The following PHF20 variants were observed in gnomAD, a reference collection of about 807,000 sequenced individuals.
PHF20 encodes the protein glioma-expressed antigen 2.
Under a neutral mutation model 113.5 loss-of-function variants are expected in PHF20, and 23 were observed. The ratio of observed to expected loss-of-function variants is 0.20; its 90% confidence interval spans 0.15 to 0.29. PHF20 has a LOEUF of 0.29. Among genes scored for constraint, PHF20 ranks in the 10% least tolerant of loss-of-function variants. The pLI, the probability that PHF20 is intolerant of heterozygous loss-of-function variation, is 1.00. For missense variants in PHF20, 943 were observed against 1,219.6 expected, an observed-to-expected ratio of 0.77 and a Z score of 3.38; for synonymous variants, 434 against 457.3, an observed-to-expected ratio of 0.95 and a Z score of 0.65.
At chr20:35,813,255 G>A (rs1184067052) in intron 2 of PHF20, among the ~76,000 whole-genome samples, 1 of 151,954 alleles carries the variant, frequency 6.6e-6, no homozygotes, top group African/African-American at 2.4e-5. Context: ...CAGGCGCGGT[G>A]AGCCACCGCG....
At chr20:35,821,518 G>A (rs2042168616) in intron 2 of PHF20, among the ~76,000 whole-genome samples, 1 of 150,884 alleles carries the variant, frequency 6.6e-6, no homozygotes, top group Admixed American at 6.6e-5. Flanking sequence ...AAAAAGCCAG[G>A]CATGGTGGTG....
intron 13 of PHF20, among the ~76,000 whole-genome samples, chr20:35,924,844 T>TC (rs2055595418): frequency 1.3e-5 from 2 of 149,782 alleles, no homozygotes; most frequent in Admixed American, 6.6e-5. Context: ...CAGGATATCC[T>TC]CCCGCCTCGG....
intron 12 of PHF20, among the ~76,000 whole-genome samples, chr20:35,915,142 C>T (rs1404982501): frequency 6.7e-6 from 1 of 149,484 alleles, no homozygotes; most frequent in African/African-American, 2.4e-5. Context: ...ACCCACTCAC[C>T]CAGGTGTTAC....
At chr20:35,928,942 G>A (rs555584347) in intron 14 of PHF20, among the ~76,000 whole-genome samples, 1 of 152,308 alleles carries the variant, frequency 6.6e-6, no homozygotes, top group African/African-American at 2.4e-5. Flanking sequence ...TGTGGCTCTT[G>A]ATTGCTCCTT....
chr20:35,888,225 C>T (rs1207494603), intron 9 of PHF20, among the ~76,000 whole-genome samples: 1 of 152,166 alleles, frequency 6.6e-6, no homozygotes, highest in Non-Finnish European at 1.5e-5. Flanking sequence ...AGGTGACCCA[C>T]CCACCTTGAC....
At chr20:35,803,355 G>C (rs894014211) in intron 2 of PHF20, among the ~76,000 whole-genome samples, 1 of 148,696 alleles carries the variant, frequency 6.7e-6, no homozygotes, top group Non-Finnish European at 1.5e-5. Flanking sequence ...CAAGAGTCTT[G>C]CTCTTTCATT....
intron 10 of PHF20, among the ~76,000 whole-genome samples, chr20:35,900,309 C>T (rs1248061828): frequency 6.6e-6 from 1 of 152,128 alleles, no homozygotes; most frequent in Non-Finnish European, 1.5e-5. Context: ...TTTTTACTTG[C>T]TATTGTAATA....
At chr20:35,793,273 T>G (rs948726876) in intron 1 of PHF20, among the ~76,000 whole-genome samples, 9 of 151,886 alleles carry the variant, frequency 5.9e-5, no homozygotes, top group African/African-American at 7.2e-5. Context: ...TGCTTAGACC[T>G]CAGTTCCTCA....
intron 2 of PHF20, among the ~76,000 whole-genome samples, chr20:35,826,743 A>G (rs1455972009): frequency 6.6e-6 from 1 of 152,178 alleles, no homozygotes; most frequent in African/African-American, 2.4e-5. Flanking sequence ...ATTCTGTCAT[A>G]AGATATTTGC....
chr20:35,934,183 C>T (rs2055819653), intron 15 of PHF20, among the ~76,000 whole-genome samples: 1 of 152,102 alleles, frequency 6.6e-6, no homozygotes, highest in Non-Finnish European at 1.5e-5. Flanking sequence ...AGTATCAGGA[C>T]CCTGAGATGG....
intron 13 of PHF20, 65 bp from the exon 14 acceptor site, chr20:35,927,715 G>A: frequency 8.2e-7 from 1 of 1,214,590 alleles, no homozygotes; most frequent in Non-Finnish European, 1.2e-6. Context: ...TCAGCAGGTG[G>A]GTCTTACTTT....
chr20:35,863,426 A>G (rs761722923), intron 6 of PHF20, 26 bp downstream of exon 6: 4 of 1,560,038 alleles, frequency 2.6e-6, no homozygotes, highest in African/African-American at 2.8e-5. Flanking sequence ...GGGCTCTGCA[A>G]TGGGCAATGC....
chr20:35,917,418 T>C (rs1337163539), intron 12 of PHF20, 66 bp from the exon 13 acceptor site: 1 of 1,365,194 alleles, frequency 7.3e-7, no homozygotes, highest in East Asian at 2.4e-5. Flanking sequence ...TTTTCATTCT[T>C]GACAATCAAA....
At chr20:35,917,385 G>A in intron 12 of PHF20, 99 bp from the exon 13 acceptor site, 1 of 1,024,854 alleles carries the variant, frequency 9.8e-7, no homozygotes. Context: ...TTCTTGTTTG[G>A]AGGTATGGGA....
At chr20:35,887,724 G>A (rs2054761410) in intron 9 of PHF20, 1 of 148,792 alleles carries the variant, frequency 6.7e-6, no homozygotes, top group Non-Finnish European at 1.5e-5. Flanking sequence ...TAAAATAATT[G>A]AAAATTTTCC....
At position 35,772,064 on chromosome 20, in the gene PHF20, G is replaced by A. The variant is rs980486910; in HGVS notation, c.-48G>A. The A allele has an allele frequency of 1.3e-5, 2 of 151,728 alleles. No individual in the cohort carries two copies. Among genetic ancestry groups the A allele is most frequent in the African/African-American group, 2.4e-5 (1 of 41,328 alleles). 9.4% of individuals were successfully genotyped at this position (151,728 alleles called of 1,614,324 possible). ...CGGTTGGTCCTGGAGCGGCGCAGCC[G>A]GAGTGGGGCCGTGAGGTGAGCTCGC... is the stretch of plus-strand genomic sequence containing the variant. On this transcript the variant is annotated 5_prime_UTR_variant, in exon 1 of 18. Transcript: ENST00000374012.
chr20:35,819,297 G>C (rs1346395631), intron 2 of PHF20, among the ~76,000 whole-genome samples: 3 of 151,994 alleles, frequency 2.0e-5, no homozygotes, highest in African/African-American at 7.2e-5. Flanking sequence ...CAGTTTCCTA[G>C]TAGTGATACT....
intron 6 of PHF20, among the ~76,000 whole-genome samples, chr20:35,864,368 C>T (rs2054274769): frequency 6.7e-6 from 1 of 149,078 alleles, no homozygotes; most frequent in South Asian, 2.1e-4. Context: ...CCCAAGAATT[C>T]CAAACCAGCC....
At chr20:35,945,934 C>A (rs1449064021) in intron 17 of PHF20, among the ~76,000 whole-genome samples, 1 of 151,962 alleles carries the variant, frequency 6.6e-6, no homozygotes, top group African/African-American at 2.4e-5. Flanking sequence ...TTCAAAGTGG[C>A]CAAGGCAGGT....
Sources: gnomAD v4.1 joint callset for allele counts (sites outside exome capture counted in the v4.1 genomes callset) on GRCh38, gnomAD v4.1.1 for gene constraint, MANE v1.5 for transcripts, NCBI Gene and HGNC (gene_info 2026-07-23, HGNC 2026-07-21) for gene names.